The following PAPSS2 variants were observed in gnomAD, a reference collection of about 807,000 sequenced individuals.
PAPSS2 encodes bifunctional 3'-phosphoadenosine 5'-phosphosulfate synthase 2.
In PAPSS2, 61 loss-of-function variants were observed where a neutral mutation model predicts 66.5. The observed-to-expected ratio is 0.92, with a 90% CI of 0.75 to 1.14. PAPSS2 has a LOEUF of 1.14. Ranked by LOEUF, PAPSS2 falls within the 50% of genes most tolerant of loss-of-function variation. The probability of loss-of-function intolerance (pLI) is 0.00; values close to 1 mark genes in which losing one functional copy is unlikely to be tolerated. For missense variants in PAPSS2, 708 were observed against 789.6 expected (o/e 0.90, Z 1.24); for synonymous variants, 289 against 287.5 (o/e 1.01, Z -0.05).
In PAPSS2 at chr10:87,686,397, G is replaced by T. The variant is rs189378221; in HGVS notation, c.28-22799G>T. The stretch of plus-strand genomic sequence containing the variant: ...ACCCATTGGTTAATAGAGGGGGAGG[G>T]TGCAGCTATTTAGGAACATCTGAAT... On this transcript the variant is annotated intron_variant, in intron 1 of 12. Coordinates refer to ENST00000456849, the MANE Select transcript of PAPSS2 (RefSeq NM_001015880.2). 2.6e-5 allele frequency among the ~76,000 whole-genome samples: 4 copies of T among 151,156 alleles called. No individual in the cohort carries two copies. In the East Asian group the frequency reaches 7.8e-4, roughly 29 times the overall value.
In PAPSS2 at chr10:87,674,467, TA is replaced by T. The variant is rs561356642; in HGVS notation, c.27+14461del. On this transcript the variant is annotated intron_variant, in intron 1 of 12. Transcript: ENST00000456849. Reference sequence around the variant, plus strand: ...AGATATGAGCCACTGCTCCCAGCAGTAATTTTTTTTTTATAACTTGTAACAG... The same window carrying T: ...AGATATGAGCCACTGCTCCCAGCAGTATTTTTTTTTTATAACTTGTAACAG... Among the ~76,000 whole-genome samples the T allele has an allele frequency of 4.9e-3, 745 of 152,280 alleles. 10 individuals are homozygous for T. The highest frequency in any genetic ancestry group is 0.027 in the Middle Eastern group (8 of 294).
chr10:87,746,073 ATCTT>A lies in PAPSS2; in HGVS notation c.*105_*108del. 9.3e-7 allele frequency: 1 copy of A among 1,074,422 alleles called. No homozygotes were observed. Among genetic ancestry groups the A allele is most frequent in the Non-Finnish European group, 1.4e-6 (1 of 718,040 alleles). The allele number at this position is 1,074,422 out of a possible 1,614,324, so 66.6% of individuals were successfully genotyped here. A position where few individuals can be genotyped will look rare whatever the true frequency, so the allele number is the denominator to read the frequency against. Reference sequence around the variant, plus strand: ...AATTGCTTCTCAATGATGCATTTTAATCTTTTATAATGAAGTAAAAGTTGTGTCT... The same window carrying A: ...AATTGCTTCTCAATGATGCATTTTAATTATAATGAAGTAAAAGTTGTGTCT... On this transcript the variant is annotated 3_prime_UTR_variant, in exon 13 of 13. Transcript: ENST00000456849.
At chr10:87,725,538 T>A (rs4934367) in intron 8 of PAPSS2, among the ~76,000 whole-genome samples, 1 of 151,974 alleles carries the variant, frequency 6.6e-6, no homozygotes, top group Non-Finnish European at 1.5e-5. Context: ...TGTGGTTGCG[T>A]TAGCAAGACC....
At chr10:87,672,812 G>A (rs1476769378) in intron 1 of PAPSS2, among the ~76,000 whole-genome samples, 1 of 152,224 alleles carries the variant, frequency 6.6e-6, no homozygotes, top group East Asian at 1.9e-4. Flanking sequence ...AGGCCTATAA[G>A]CTAGGAATGG....
chr10:87,679,079 A>G (rs1379431376), intron 1 of PAPSS2, among the ~76,000 whole-genome samples: 1 of 152,228 alleles, frequency 6.6e-6, no homozygotes, highest in Non-Finnish European at 1.5e-5. Context: ...TATGTTTACA[A>G]TGGAATACTA....
chr10:87,740,490 T>C (rs1019846910), intron 9 of PAPSS2, among the ~76,000 whole-genome samples: 6 of 152,222 alleles, frequency 3.9e-5, no homozygotes, highest in Admixed American at 2.0e-4. Flanking sequence ...TTGGCCAATA[T>C]GTAATATTGC....
intron 1 of PAPSS2, chr10:87,703,804 GA>G: frequency 1.9e-6 from 1 of 518,826 alleles, no homozygotes; most frequent in Non-Finnish European, 3.8e-6. Flanking sequence ...ACCCAGTATA[GA>G]AGTATGCCAC....
intron 9 of PAPSS2, among the ~76,000 whole-genome samples, chr10:87,728,559 G>T (rs907795757): frequency 6.6e-6 from 1 of 152,140 alleles, no homozygotes; most frequent in Admixed American, 6.5e-5. Flanking sequence ...GGCCAACATG[G>T]TGAAACCCCG....
At chr10:87,701,244 CTT>C (rs67890886) in intron 1 of PAPSS2, among the ~76,000 whole-genome samples, 1 of 131,082 alleles carries the variant, frequency 7.6e-6, no homozygotes, top group Non-Finnish European at 1.7e-5. Flanking sequence ...TTTCTTTTTT[CTT>C]TTTTCTTTCT....
At chr10:87,660,804 GAAAAAAAAAAAAAAA>G (rs61018901) in intron 1 of PAPSS2, among the ~76,000 whole-genome samples, 3 of 114,102 alleles carry the variant, frequency 2.6e-5, no homozygotes, top group African/African-American at 9.2e-5. Context: ...CCAATAAACT[GAAAAAAAAAAAAAAA>G]AAAAAAAAAA....
Position 87,659,884 on chromosome 10 carries a change from T to TGCTGCTGCTGCTGCTGCTGCTGCC in PAPSS2, c.-95_-72dup. Reference sequence around the variant, plus strand: ...TCCTTCCCGGGAGTCCGGCAGCCGCTGCTGCTGCTGCTGCTGCTGCTGCCG... The same window carrying TGCTGCTGCTGCTGCTGCTGCTGCC: ...TCCTTCCCGGGAGTCCGGCAGCCGCTGCTGCTGCTGCTGCTGCTGCTGCCGCTGCTGCTGCTGCTGCTGCTGCCG... On this transcript the variant is annotated 5_prime_UTR_variant, in exon 1 of 13. Transcript: ENST00000456849. The TGCTGCTGCTGCTGCTGCTGCTGCC allele has an allele frequency of 1.0e-6, 1 of 967,670 alleles. No homozygotes were observed. The highest frequency in any genetic ancestry group is 3.2e-5 in the East Asian group (1 of 31,074). The allele number at this position is 967,670 out of a possible 1,614,324, so 59.9% of individuals were successfully genotyped here.
intron 1 of PAPSS2, chr10:87,704,185 C>T: frequency 2.7e-6 from 1 of 364,482 alleles, no homozygotes; most frequent in Non-Finnish European, 5.3e-6. Flanking sequence ...GAGCCCAGTA[C>T]CTGGCCATCC....
intron 9 of PAPSS2, among the ~76,000 whole-genome samples, chr10:87,732,295 G>A (rs2131723670): frequency 6.6e-6 from 1 of 152,244 alleles, no homozygotes; most frequent in East Asian, 1.9e-4. Flanking sequence ...ACTTTGGGAG[G>A]CCGATTGTTT....
chr10:87,672,582 C>G (rs1852891684), intron 1 of PAPSS2, among the ~76,000 whole-genome samples: 1 of 152,130 alleles, frequency 6.6e-6, no homozygotes. Flanking sequence ...AATTCTGAAG[C>G]CATGTCTGCC....
chr10:87,669,442 A>G (rs1288733876), intron 1 of PAPSS2, among the ~76,000 whole-genome samples: 2 of 152,234 alleles, frequency 1.3e-5, no homozygotes, highest in African/African-American at 4.8e-5. Context: ...ATGAGTAATT[A>G]TGGCTCTTGG....
At chr10:87,715,674 C>A in intron 6 of PAPSS2, 58 bp from the exon 7 acceptor site, 1 of 1,071,370 alleles carries the variant, frequency 9.3e-7, no homozygotes, top group Non-Finnish European at 1.4e-6. Flanking sequence ...TTCCCTGGGG[C>A]CAGATGCCTG....
At chr10:87,709,439 G>A in intron 2 of PAPSS2, 126 bp downstream of exon 2, 2 of 618,296 alleles carry the variant, frequency 3.2e-6, no homozygotes, top group Non-Finnish European at 5.9e-6. Context: ...GGGAGATGTA[G>A]TAGAAAGCCT....
intron 9 of PAPSS2, among the ~76,000 whole-genome samples, chr10:87,733,807 A>G (rs890558308): frequency 2.0e-5 from 3 of 151,964 alleles, no homozygotes; most frequent in African/African-American, 7.3e-5. Context: ...TCCTGCAAGT[A>G]CCTCAAACTC....
chr10:87,729,377 A>G (rs538670710), intron 9 of PAPSS2, among the ~76,000 whole-genome samples: 13 of 151,710 alleles, frequency 8.6e-5, no homozygotes, highest in African/African-American at 3.1e-4. Flanking sequence ...AGATTTCTTC[A>G]TTATTATTAT....
Sources: allele counts gnomAD v4.1 joint callset (sites outside exome capture counted in the v4.1 genomes callset), GRCh38; gene constraint gnomAD v4.1.1; transcripts MANE v1.5; gene names NCBI Gene and HGNC (gene_info 2026-07-23, HGNC 2026-07-21).